GPC5: variants seen among roughly 807,000 people sequenced by gnomAD.
The protein encoded by GPC5 is glypican-5.
Under a neutral mutation model 53.9 loss-of-function variants are expected in GPC5, and 47 were observed. That is an observed-to-expected ratio of 0.87 (90% CI 0.69 to 1.11). The LOEUF is 1.11. Ranked by LOEUF, GPC5 falls within the 50% of genes most tolerant of loss-of-function variation. The probability of loss-of-function intolerance (pLI) is 0.00; values close to 1 mark genes in which losing one functional copy is unlikely to be tolerated. For synonymous variants in GPC5, 286 were observed against 263.3 expected (o/e 1.09, Z -0.84); for missense variants, 748 against 713.1 (o/e 1.05, Z -0.56).
intron 1 of GPC5, among the ~76,000 whole-genome samples, chr13:91,411,794 A>AT (rs1002388750): frequency 2.6e-5 from 4 of 152,156 alleles, no homozygotes; most frequent in Non-Finnish European, 5.9e-5. Context: ...GTGCCAGTCT[A>AT]TTTTCTCCCA....
At chr13:92,519,274 A>G (rs1462879846) in intron 7 of GPC5, among the ~76,000 whole-genome samples, 3 of 152,190 alleles carry the variant, frequency 2.0e-5, no homozygotes, top group Non-Finnish European at 2.9e-5. Context: ...TGAACCAAGC[A>G]GACCTAATAG....
chr13:92,050,917 A>G (rs2041022464), intron 6 of GPC5, among the ~76,000 whole-genome samples: 1 of 152,218 alleles, frequency 6.6e-6, no homozygotes, highest in Non-Finnish European at 1.5e-5. Flanking sequence ...GACTCTCTGA[A>G]GTATGGCAGA....
chr13:92,358,798 G>A (rs9523643), intron 7 of GPC5, among the ~76,000 whole-genome samples: 14,985 of 151,736 alleles, frequency 0.099, 951 homozygotes, highest in Middle Eastern at 0.15. Context: ...AGGTTGTTTA[G>A]GGCAGCGGGG....
rs1888876876 is a variant in GPC5 at position 92,734,093 on chromosome 13, T to C, written c.1562-132189T>C. Reference sequence around the variant, plus strand: ...TCTACTCAGATTTTTCTTTGTGATATTGGCCTGTGGTCAGCATATACCACT... The same window carrying C: ...TCTACTCAGATTTTTCTTTGTGATACTGGCCTGTGGTCAGCATATACCACT... On this transcript the variant is annotated intron_variant, in intron 7 of 7. Coordinates refer to ENST00000377067, the MANE Select transcript of GPC5 (RefSeq NM_004466.6). Among the ~76,000 whole-genome samples the C allele has an allele frequency of 2.0e-5, 3 of 151,896 alleles. No individual in the cohort carries two copies. The South Asian group carries it at 6.2e-4, about 31-fold the overall frequency.
intron 6 of GPC5, among the ~76,000 whole-genome samples, chr13:92,104,668 G>T (rs1005008561): frequency 2.0e-5 from 3 of 152,130 alleles, no homozygotes; most frequent in Non-Finnish European, 4.4e-5. Context: ...AAAGGGAAAG[G>T]TGAAAGTTTG....
chr13:92,157,587 A>C (rs1214029194), intron 7 of GPC5, among the ~76,000 whole-genome samples: 1 of 152,208 alleles, frequency 6.6e-6, no homozygotes. Flanking sequence ...AAGAATTTAC[A>C]ATTACAAATG....
At chr13:91,551,804 T>C (rs2030656908) in intron 2 of GPC5, among the ~76,000 whole-genome samples, 1 of 152,118 alleles carries the variant, frequency 6.6e-6, no homozygotes, top group East Asian at 1.9e-4. Flanking sequence ...AGCAACATTA[T>C]TCATGAAAAA....
chr13:91,420,142 G>A (rs536690466), intron 1 of GPC5, among the ~76,000 whole-genome samples: 2 of 152,306 alleles, frequency 1.3e-5, no homozygotes, highest in Admixed American at 1.3e-4. Flanking sequence ...TACTGGGTAA[G>A]ATCTCTGATT....
intron 6 of GPC5, among the ~76,000 whole-genome samples, chr13:91,972,853 C>G (rs1442017524): frequency 6.6e-6 from 1 of 152,220 alleles, no homozygotes; most frequent in Non-Finnish European, 1.5e-5. Context: ...GTCTGATGGG[C>G]TTCCCTTTGT....
At chr13:92,792,429 C>A (rs12429947) in intron 7 of GPC5, among the ~76,000 whole-genome samples, 2 of 151,632 alleles carry the variant, frequency 1.3e-5, no homozygotes, top group East Asian at 3.9e-4. Context: ...AATGGAACAA[C>A]TGGTACCATG....
At chr13:91,412,202 C>G (rs1187268764) in intron 1 of GPC5, among the ~76,000 whole-genome samples, 1 of 152,244 alleles carries the variant, frequency 6.6e-6, no homozygotes, top group Middle Eastern at 3.2e-3. Context: ...TGTGAATTCT[C>G]TGCCTATCAC....
chr13:92,209,136 A>G (rs1412021281), intron 7 of GPC5, among the ~76,000 whole-genome samples: 2 of 152,240 alleles, frequency 1.3e-5, no homozygotes, highest in Non-Finnish European at 2.9e-5. Flanking sequence ...AATTTATATT[A>G]CAACTTCCAA....
At chr13:92,457,109 T>A (rs1878299306) in intron 7 of GPC5, among the ~76,000 whole-genome samples, 1 of 152,116 alleles carries the variant, frequency 6.6e-6, no homozygotes, top group African/African-American at 2.4e-5. Flanking sequence ...GTATTTGGTT[T>A]TCTGTTTCTG....
intron 2 of GPC5, among the ~76,000 whole-genome samples, chr13:91,625,671 T>C (rs2033980683): frequency 6.6e-6 from 1 of 152,088 alleles, no homozygotes; most frequent in African/African-American, 2.4e-5. Flanking sequence ...ACAAGCCTAG[T>C]GTGAAAAAGA....
intron 7 of GPC5, among the ~76,000 whole-genome samples, chr13:92,778,205 G>C (rs1056058788): frequency 6.6e-6 from 1 of 150,468 alleles, no homozygotes; most frequent in African/African-American, 2.5e-5. Flanking sequence ...ATGGTGATCT[G>C]AGTGACAACT....
chr13:92,342,982 A>G (rs2139251805), intron 7 of GPC5, among the ~76,000 whole-genome samples: 1 of 152,262 alleles, frequency 6.6e-6, no homozygotes, highest in East Asian at 1.9e-4. Flanking sequence ...ATTTTGCCTC[A>G]CCATCTACAA....
chr13:91,771,432 G>C (rs936304937), intron 5 of GPC5, among the ~76,000 whole-genome samples: 1 of 152,100 alleles, frequency 6.6e-6, no homozygotes, highest in Non-Finnish European at 1.5e-5. Flanking sequence ...CATGACCTTT[G>C]AATCATCTAT....
chr13:92,444,893 G>C, intron 7 of GPC5, among the ~76,000 whole-genome samples: 1 of 152,006 alleles, frequency 6.6e-6, no homozygotes. Flanking sequence ...AGCTGAAAAA[G>C]ACAGAATTGT....
At chr13:92,297,995 G>A (rs1454862839) in intron 7 of GPC5, among the ~76,000 whole-genome samples, 2 of 152,072 alleles carry the variant, frequency 1.3e-5, no homozygotes, top group East Asian at 1.9e-4. Context: ...ACGAGGGTCC[G>A]CGGCTTCATT....
Sources: gnomAD v4.1 joint callset for allele counts (sites outside exome capture counted in the v4.1 genomes callset) on GRCh38, gnomAD v4.1.1 for gene constraint, MANE v1.5 for transcripts, NCBI Gene and HGNC (gene_info 2026-07-23, HGNC 2026-07-21) for gene names.